CREB3L2: variants seen among roughly 807,000 people sequenced by gnomAD.
The protein encoded by CREB3L2 is cyclic AMP-responsive element-binding protein 3-like protein 2.
A neutral mutation model predicts 57.2 loss-of-function variants in CREB3L2; 23 were observed. The ratio of observed to expected loss-of-function variants is 0.40; its 90% CI spans 0.29 to 0.57. The LOEUF is 0.57. CREB3L2 is among the 20% of genes least tolerant of loss of function. CREB3L2 has a pLI of 0.42. For missense variants in CREB3L2, 628 were observed against 634.7 expected, an observed-to-expected ratio of 0.99 and a Z score of 0.11; for synonymous variants, 268 against 265.1, an observed-to-expected ratio of 1.01 and a Z score of -0.11.
intron 1 of CREB3L2, among the ~76,000 whole-genome samples, chr7:137,967,662 C>T (rs1014748576): frequency 6.6e-6 from 1 of 152,246 alleles, no homozygotes; most frequent in Admixed American, 6.5e-5. Context: ...CACCAAGCCC[C>T]ATGTCTCTGA....
At chr7:137,957,845 A>C (rs1801246206) in intron 1 of CREB3L2, 2 of 1,118,240 alleles carry the variant, frequency 1.8e-6, no homozygotes, top group African/African-American at 3.2e-5. Flanking sequence ...AAGCAAAAAC[A>C]CTTCAGATGC....
intron 1 of CREB3L2, among the ~76,000 whole-genome samples, chr7:137,991,180 T>G (rs1801888102): frequency 6.6e-6 from 1 of 152,118 alleles, no homozygotes; most frequent in South Asian, 2.1e-4. Flanking sequence ...TTTTTCTTTT[T>G]GGGGACGGAG....
At position 137,940,662 on chromosome 7, in the gene CREB3L2, C is replaced by T. The variant is rs117438200; in HGVS notation, c.103-12296G>A. Among the ~76,000 whole-genome samples, 639 of 152,292 alleles carry T rather than the reference C, an allele frequency of 4.2e-3. 1 individual carries two copies. The highest frequency in any genetic ancestry group is 5.8e-3 in the Non-Finnish European group (397 of 68,034). Reference sequence around the variant, plus strand: ...TTCTCTGAACAGAACGTGCATGTTGCAATGGAACAATTCTGCCTCCAAGTC... The same window carrying T: ...TTCTCTGAACAGAACGTGCATGTTGTAATGGAACAATTCTGCCTCCAAGTC... On this transcript the variant is annotated intron_variant, in intron 1 of 11. Transcript: ENST00000330387.
At chr7:137,889,035 G>A (rs551440927) in intron 8 of CREB3L2, among the ~76,000 whole-genome samples, 5 of 149,380 alleles carry the variant, frequency 3.3e-5, no homozygotes, top group African/African-American at 9.7e-5. Context: ...CAGCCAGCCC[G>A]TACTTCCTCC....
At chr7:137,957,375 A>G (rs561870817) in intron 1 of CREB3L2, among the ~76,000 whole-genome samples, 2 of 152,304 alleles carry the variant, frequency 1.3e-5, no homozygotes, top group African/African-American at 4.8e-5. Context: ...GACTACAGGA[A>G]TCTACAATGC....
Position 137,880,613 on chromosome 7 carries a change from G to T in CREB3L2, c.1488-62C>A. On this transcript the variant is annotated intron_variant, in intron 11 of 11. Transcript: ENST00000330387. The surrounding 1 kb of genome is among the most constrained non-coding windows in gnomAD (Gnocchi z 4.0). Reference sequence around the variant, plus strand: ...ACCAGCTGTTAGCTACAATTCTCATGCTTTGTAGCGTGATGCAATCATTCA... The same window carrying T: ...ACCAGCTGTTAGCTACAATTCTCATTCTTTGTAGCGTGATGCAATCATTCA... 1 of 1,321,272 alleles carries T rather than the reference G, an allele frequency of 7.6e-7. No homozygotes were observed. The highest frequency in any genetic ancestry group is 1.1e-6 in the Non-Finnish European group (1 of 918,060). 81.8% of individuals were successfully genotyped at this position (1,321,272 alleles called of 1,614,324 possible). A position where few individuals can be genotyped will look rare whatever the true frequency, so the allele number is the denominator to read the frequency against.
At chr7:137,965,038 T>A (rs1452991408) in intron 1 of CREB3L2, among the ~76,000 whole-genome samples, 1 of 152,196 alleles carries the variant, frequency 6.6e-6, no homozygotes, top group Non-Finnish European at 1.5e-5. Context: ...GGTATGTCTT[T>A]ATCAGCAGCG....
chr7:137,970,186 G>C (rs756297251), intron 1 of CREB3L2, among the ~76,000 whole-genome samples: 1 of 152,146 alleles, frequency 6.6e-6, no homozygotes, highest in Non-Finnish European at 1.5e-5. Flanking sequence ...AATACAAAGG[G>C]TTGATTATGA....
At chr7:137,938,710 T>A (rs566512855) in intron 1 of CREB3L2, among the ~76,000 whole-genome samples, 18 of 152,192 alleles carry the variant, frequency 1.2e-4, no homozygotes, top group Non-Finnish European at 1.8e-4. Context: ...TTTTTACATA[T>A]GATATTTGCT....
intron 2 of CREB3L2, among the ~76,000 whole-genome samples, chr7:137,922,395 T>TAC (rs1158899624): frequency 2.0e-4 from 4 of 20,148 alleles, no homozygotes; most frequent in African/African-American, 3.2e-4. Context: ...TATATATATA[T>TAC]ATATATATAT....
At chr7:137,974,899 A>G (rs931064415) in intron 1 of CREB3L2, among the ~76,000 whole-genome samples, 4 of 152,228 alleles carry the variant, frequency 2.6e-5, no homozygotes, top group Non-Finnish European at 5.9e-5. Context: ...ACAAGCTGGC[A>G]ACTGGATAAT....
intron 1 of CREB3L2, among the ~76,000 whole-genome samples, chr7:137,946,382 T>C (rs1198973001): frequency 6.7e-6 from 1 of 150,082 alleles, no homozygotes; most frequent in Non-Finnish European, 1.5e-5. Flanking sequence ...ATTTTCCTCC[T>C]GCTGGCCTGG....
chr7:137,960,007 C>T (rs1292457520), intron 1 of CREB3L2, among the ~76,000 whole-genome samples: 1 of 152,128 alleles, frequency 6.6e-6, no homozygotes, highest in Non-Finnish European at 1.5e-5. Flanking sequence ...CATTGTACTC[C>T]TCTAGCAAAA....
At chr7:137,913,710 G>A (rs948346049) in intron 3 of CREB3L2, among the ~76,000 whole-genome samples, 5 of 151,190 alleles carry the variant, frequency 3.3e-5, no homozygotes, top group African/African-American at 4.9e-5. Flanking sequence ...TTTATACATA[G>A]TTTGGGTAAA....
intron 1 of CREB3L2, among the ~76,000 whole-genome samples, chr7:137,965,076 C>A (rs1801387871): frequency 6.6e-6 from 1 of 152,074 alleles, no homozygotes. Flanking sequence ...AAGTAGTGAC[C>A]AAACTCTAGT....
intron 1 of CREB3L2, among the ~76,000 whole-genome samples, chr7:137,936,263 C>A (rs778856402): frequency 6.6e-6 from 1 of 152,190 alleles, no homozygotes; most frequent in South Asian, 2.1e-4. Flanking sequence ...ACTTGCAGAG[C>A]GTGTTCTAAA....
Position 137,880,260 on chromosome 7 carries a change from G to T in CREB3L2, c.*216C>A. 1.8e-6 allele frequency: 1 copy of T among 568,172 alleles called. No homozygotes were observed. Among genetic ancestry groups the T allele is most frequent in the Non-Finnish European group, 3.2e-6 (1 of 313,700 alleles). 35.2% of individuals were successfully genotyped at this position (568,172 alleles called of 1,614,324 possible). A position where few individuals can be genotyped will look rare whatever the true frequency, so the allele number is the denominator to read the frequency against. ...TATGGCAGTAAGAGAAAGGAAGGGAGGGATGCAGGCTCCCTTCTGCACAGG... is the reference window on the plus strand; with the variant it reads ...TATGGCAGTAAGAGAAAGGAAGGGATGGATGCAGGCTCCCTTCTGCACAGG... On this transcript the variant is annotated 3_prime_UTR_variant, in exon 12 of 12. Transcript: ENST00000330387. This position sits in a 1 kb window ranked among gnomAD's most constrained non-coding sequence, Gnocchi z 4.0.
Position 137,890,174 on chromosome 7 carries a change from C to T in CREB3L2, c.1044-4672G>A, listed in dbSNP as rs895741079. 3.6e-4 allele frequency among the ~76,000 whole-genome samples: 55 copies of T among 152,180 alleles called. 1 individual carries two copies. The highest frequency in any genetic ancestry group is 3.9e-4 in the East Asian group (2 of 5,176). On this transcript the variant is annotated intron_variant, in intron 8 of 11. Coordinates refer to ENST00000330387, the MANE Select transcript of CREB3L2 (RefSeq NM_194071.4). ...AGAGCCACAATAAAACCCATTCTGA[C>T]GGCAAGGAGATGCATACTAACAAAA...
chr7:137,908,992 T>C (rs1379800460), intron 4 of CREB3L2, among the ~76,000 whole-genome samples: 1 of 151,840 alleles, frequency 6.6e-6, no homozygotes, highest in Non-Finnish European at 1.5e-5. Flanking sequence ...CCCAGCTACT[T>C]GGGAGGCTGA....
Sources: gnomAD v4.1 joint callset for allele counts (sites outside exome capture counted in the v4.1 genomes callset) on GRCh38, gnomAD v4.1.1 for gene constraint, Gnocchi (gnomAD v3.1) non-coding constraint, MANE v1.5 for transcripts, NCBI Gene and HGNC (gene_info 2026-07-23, HGNC 2026-07-21) for gene names.